Variants in MASP1 observed in about 807,000 individuals in gnomAD.
MASP1 encodes mannan-binding lectin serine protease 1.
In MASP1, 59 loss-of-function variants were observed where a neutral mutation model predicts 77.1. That is an observed-to-expected ratio of 0.77 (90% CI 0.62 to 0.95). MASP1 has a LOEUF of 0.95. Ranked by LOEUF, MASP1 falls within the 40% of genes least tolerant of loss-of-function variation. The probability of loss-of-function intolerance (pLI) is 0.00; values close to 1 mark genes in which losing one functional copy is unlikely to be tolerated. For synonymous variants in MASP1, 362 were observed against 354.5 expected (o/e 1.02, Z -0.24); for missense variants, 885 against 912.9 (o/e 0.97, Z 0.39).
At chr3:187,226,507 G>C (rs755157142) in exon 12 of MASP1, 6 of 1,609,178 alleles carry the variant, frequency 3.7e-6, no homozygotes, top group Non-Finnish European at 5.1e-6. Context: ...CGGCGGTCAC[G>C]ATCCAGCTGG....
At chr3:187,260,949 A>T (rs1715526264) in intron 3 of MASP1, 77 bp from the exon 4 acceptor site, 2 of 1,517,058 alleles carry the variant, frequency 1.3e-6, no homozygotes, top group Non-Finnish European at 1.8e-6. Flanking sequence ...AGAGCACTTG[A>T]TATGGGCCAC....
intron 13 of MASP1, among the ~76,000 whole-genome samples, chr3:187,224,647 G>A (rs1417428399): frequency 1.3e-5 from 2 of 152,200 alleles, no homozygotes; most frequent in Admixed American, 6.5e-5. Context: ...CGCCCGGCCT[G>A]TGCTGAGTAT....
chr3:187,271,719 C>T (rs1186154194), intron 2 of MASP1, among the ~76,000 whole-genome samples: 1 of 152,078 alleles, frequency 6.6e-6, no homozygotes, highest in African/African-American at 2.4e-5. Flanking sequence ...GCTTCCACCC[C>T]ATGGTATAAA....
At chr3:187,240,140 C>A (rs1439670263) in intron 10 of MASP1, among the ~76,000 whole-genome samples, 1 of 122,556 alleles carries the variant, frequency 8.2e-6, no homozygotes, top group African/African-American at 3.2e-5. Flanking sequence ...AACTGTGAAT[C>A]CTATAACCTC....
chr3:187,221,302 G>C (rs554425802), intron 14 of MASP1, among the ~76,000 whole-genome samples: 1 of 152,336 alleles, frequency 6.6e-6, no homozygotes, highest in African/African-American at 2.4e-5. Context: ...CAGTTGAATG[G>C]AGAATCAGGA....
At chr3:187,249,203 G>A (rs1393417597) in intron 8 of MASP1, among the ~76,000 whole-genome samples, 4 of 152,218 alleles carry the variant, frequency 2.6e-5, no homozygotes, top group East Asian at 1.9e-4. Context: ...GATTACAGGC[G>A]TGCGCCACCA....
chr3:187,281,676 T>C (rs1333929394), intron 2 of MASP1, among the ~76,000 whole-genome samples: 1 of 152,204 alleles, frequency 6.6e-6, no homozygotes, highest in Admixed American at 6.5e-5. Context: ...TCTGGTGTTA[T>C]CCTGACTATG....
chr3:187,243,371 C>T, intron 9 of MASP1, 113 bp downstream of exon 9: 2 of 1,080,344 alleles, frequency 1.9e-6, no homozygotes, highest in Non-Finnish European at 2.9e-6. Flanking sequence ...CATTATCAGG[C>T]TCTACACACT....
chr3:187,234,002 G>A (rs530885452), downstream of MASP1: 8 of 1,030,086 alleles, frequency 7.8e-6, no homozygotes, highest in South Asian at 1.7e-5. Context: ...TTGGTTTAAT[G>A]AGGAGACCAA....
At chr3:187,260,662 G>C in intron 4 of MASP1, 79 bp downstream of exon 4, 1 of 1,586,216 alleles carries the variant, frequency 6.3e-7, no homozygotes, top group Non-Finnish European at 8.7e-7. Context: ...TTGCATATCT[G>C]TCTTTCTCTG....
chr3:187,271,561 T>A (rs1716518820), intron 2 of MASP1, among the ~76,000 whole-genome samples: 1 of 152,234 alleles, frequency 6.6e-6, no homozygotes, highest in African/African-American at 2.4e-5. Context: ...GGTATAATTA[T>A]ACCTATGTTG....
chr3:187,226,100 C>A (rs1174918990), intron 12 of MASP1: 1 of 402,320 alleles, frequency 2.5e-6, no homozygotes, highest in East Asian at 5.6e-5. Flanking sequence ...AAATCTGGAT[C>A]GTATATGTAT....
chr3:187,231,425 T>A (rs1476607984), downstream of MASP1, among the ~76,000 whole-genome samples: 1 of 152,186 alleles, frequency 6.6e-6, no homozygotes, highest in African/African-American at 2.4e-5. Flanking sequence ...GAGTTGACAC[T>A]CCTTTCCCAC....
In MASP1 at chr3:187,256,709, G is replaced by T. The variant is rs1356256185; in HGVS notation, c.699C>A (p.Asp233Glu). The change falls in exon 5 of 11, where the codon GAC becomes GAA. Residue 233 changes from aspartate to glutamate, a missense_variant. Physicochemically the swap from Asp to Glu is conservative, Grantham distance 45. Transcript: ENST00000296280. The stretch of plus-strand genomic sequence containing the variant: ...AGGGCACCTCAGGATGGTCCTCAAT[G>T]TCAAATATGTCCTCAAACTGCAGGT... ...MVNLQFEDIF[D>E]IEDHPEVPCP... 2.5e-6 allele frequency: 4 copies of T among 1,614,018 alleles called. No homozygotes were observed. Among genetic ancestry groups the T allele is most frequent in the Non-Finnish European group, 2.5e-6 (3 of 1,180,004 alleles).
At chr3:187,275,418 C>T (rs755234927) in intron 2 of MASP1, among the ~76,000 whole-genome samples, 41 of 152,116 alleles carry the variant, frequency 2.7e-4, no homozygotes, top group Non-Finnish European at 5.0e-4. Flanking sequence ...AGAAATCCTA[C>T]AAGAGTGCTG....
At chr3:187,223,696 C>T (rs1296861090) in intron 13 of MASP1, among the ~76,000 whole-genome samples, 1 of 152,182 alleles carries the variant, frequency 6.6e-6, no homozygotes, top group Non-Finnish European at 1.5e-5. Flanking sequence ...AAACCCCTTT[C>T]AGAGTTGACA....
Position 187,243,545 on chromosome 3 carries a change from G to GTA in MASP1, c.1165_1166dup (p.Lys390ThrfsTer33), listed in dbSNP as rs767032367. ...GACAGGAGTATTTGATCTCAGACTT[G>GTA]TATGTGGTGAGGTTGTTCCTTGTAG... On this transcript the variant is annotated frameshift_variant, in exon 9 of 11. Transcript: ENST00000296280. LOFTEE classifies it high-confidence loss of function. The GTA allele has an allele frequency of 6.2e-7, 1 of 1,614,076 alleles. No individual in the cohort carries two copies. The highest frequency in any genetic ancestry group is 8.5e-7 in the Non-Finnish European group (1 of 1,179,932).
chr3:187,232,331 G>A (rs112045041), downstream of MASP1, among the ~76,000 whole-genome samples: 4,586 of 147,064 alleles, frequency 0.031, 90 homozygotes, highest in Non-Finnish European at 0.048. Context: ...TAAATTTCCC[G>A]TAGATGATGC....
intron 8 of MASP1, 126 bp from the exon 9 acceptor site, chr3:187,243,747 A>C: frequency 1.6e-6 from 2 of 1,231,154 alleles, no homozygotes; most frequent in Non-Finnish European, 2.4e-6. Context: ...CAATGTTATA[A>C]TGCCTCTGAA....
Sources: gnomAD v4.1 joint callset for allele counts (sites outside exome capture counted in the v4.1 genomes callset) on GRCh38, gnomAD v4.1.1 for gene constraint, MANE v1.5 for transcripts, NCBI Gene and HGNC (gene_info 2026-07-23, HGNC 2026-07-21) for gene names.